Variants in PNPLA7 observed in about 807,000 individuals in gnomAD.
The protein encoded by PNPLA7 is patatin-like phospholipase domain-containing protein 7.
In PNPLA7, 153 loss-of-function variants were observed where a neutral mutation model predicts 161.7. That is an observed-to-expected ratio of 0.95 (90% CI 0.83 to 1.08). The LOEUF (loss-of-function observed/expected upper bound fraction) is 1.08, where lower values mean the gene tolerates loss of function less well. Among genes scored for constraint, PNPLA7 ranks in the 50% least tolerant of loss-of-function variants. The probability of loss-of-function intolerance (pLI) is 0.00; values close to 1 mark genes in which losing one functional copy is unlikely to be tolerated. For synonymous variants in PNPLA7, 809 were observed against 782.1 expected, an observed-to-expected ratio of 1.03 and a Z score of -0.57; for missense variants, 1,739 against 1,856.6, an observed-to-expected ratio of 0.94 and a Z score of 1.16.
intron 21 of PNPLA7, among the ~76,000 whole-genome samples, chr9:137,483,531 T>G (rs1418956391): frequency 6.6e-6 from 1 of 152,154 alleles, no homozygotes; most frequent in Non-Finnish European, 1.5e-5. Flanking sequence ...CTAGGCTCAC[T>G]GCAACCTCTA....
At chr9:137,538,136 G>C (rs550108163) in intron 8 of PNPLA7, among the ~76,000 whole-genome samples, 3 of 152,198 alleles carry the variant, frequency 2.0e-5, no homozygotes, top group African/African-American at 7.2e-5. Context: ...CACGCTGGGG[G>C]CTCCCTCGAA....
intron 4 of PNPLA7, among the ~76,000 whole-genome samples, chr9:137,544,794 C>T (rs913352612): frequency 1.2e-4 from 19 of 152,058 alleles, no homozygotes; most frequent in Middle Eastern, 6.8e-3. Context: ...GGATTACAGG[C>T]GCCCGCCACA....
chr9:137,523,918 C>A lies in PNPLA7; in HGVS notation c.748-1061G>T, dbSNP rs4962249. ...GTGCTGGGATTACCGGCGTGAGCCA[C>A]CACGCCTGGCTCAGATTATTCTGGA... On this transcript the variant is annotated intron_variant, in intron 8 of 34. Transcript: ENST00000406427. This position sits in a 1 kb window ranked among gnomAD's most constrained non-coding sequence, Gnocchi z 4.4. Among the ~76,000 whole-genome samples, 5,808 of 152,098 alleles carry A rather than the reference C, an allele frequency of 0.038. 352 individuals carry two copies. The highest frequency in any genetic ancestry group is 0.13 in the African/African-American group (5,201 of 41,482).
At chr9:137,496,685 T>C (rs1213901133) in intron 18 of PNPLA7, among the ~76,000 whole-genome samples, 1 of 152,112 alleles carries the variant, frequency 6.6e-6, no homozygotes, top group Non-Finnish European at 1.5e-5. Flanking sequence ...CACTCCAGCC[T>C]GGGCAACAAG....
rs1015277734 is a variant in PNPLA7, at chr9:137,504,718, G to A, written c.1473+896C>T. Among the ~76,000 whole-genome samples the A allele has an allele frequency of 7.3e-5, 11 of 151,296 alleles. No individual in the cohort carries two copies. The East Asian group carries it at 9.6e-4, about 13-fold the overall frequency. ...GATGCCTCAGAAGGAGTCCTTAACC[G>A]TTAGAGAGGAATGATGTGAACTTAT... On this transcript the variant is annotated intron_variant, in intron 14 of 34. Transcript: ENST00000406427.
intron 1 of PNPLA7, 61 bp downstream of exon 1, chr9:137,550,107 C>T (rs867543864): frequency 1.6e-5 from 26 of 1,597,406 alleles, no homozygotes; most frequent in Non-Finnish European, 1.9e-5. Context: ...GGACCCTTCT[C>T]TGGGTCCAGA....
At position 137,547,395 on chromosome 9, in the gene PNPLA7, A is replaced by T. The variant is rs753404242; in HGVS notation, c.107T>A (p.Leu36Gln). ...FTEEGSPSTMLTGIAVGALLA... is the reference protein window; with the variant it reads ...FTEEGSPSTMQTGIAVGALLA... ...GAGGGCTCCAACTGCAATCCCCGTCAGCTGGCCGAGAGTGGAAACACGGCG... is the reference window on the plus strand; with the variant it reads ...GAGGGCTCCAACTGCAATCCCCGTCTGCTGGCCGAGAGTGGAAACACGGCG... The change falls in exon 3 of 35, where the codon CTG becomes CAG. Residue 36 changes from leucine (L) to glutamine (Q), a missense_variant and splice_region_variant. Physicochemically the swap from Leu to Gln is moderately radical, Grantham distance 113 (BLOSUM62 -2). Transcript: ENST00000406427. This position sits in a 1 kb window ranked among gnomAD's most constrained non-coding sequence, Gnocchi z 4.6. The T allele has an allele frequency of 2.5e-6, 4 of 1,613,440 alleles. No individual in the cohort carries two copies. The Admixed American group carries it at 5.0e-5, about 20-fold the overall frequency.
rs778348880 is a variant in PNPLA7, at chr9:137,520,039, C to G, written c.962G>C (p.Ser321Thr). 31 of 1,612,196 alleles carry G rather than the reference C, an allele frequency of 1.9e-5. No individual in the cohort carries two copies. In the Admixed American group the frequency reaches 5.0e-4, roughly 26 times the overall value. The change falls in exon 11 of 35, where the codon AGC becomes ACC. Residue 321 changes from serine (S) to threonine (T), a missense_variant. This residue lies in a region of PNPLA7 where 152 missense variants were observed against 193.5 expected (regional missense o/e 0.79). Coordinates refer to ENST00000406427, the MANE Select transcript of PNPLA7 (RefSeq NM_001098537.3). The surrounding 1 kb of genome is among the most constrained non-coding windows in gnomAD (Gnocchi z 5.2). ...GLTTELFNAE[S>T]QAIPLVSVAS... is the part of the protein sequence containing the mutation. ...TACAGACACGAGAGGGATGGCCTGG[C>G]TCTCCTGGGACACAAGAAGGAAGTT... is the stretch of plus-strand genomic sequence containing the variant.
rs997781647 is a variant in PNPLA7, at chr9:137,464,521, G to A, written c.3040-65C>T. 1.3e-4 allele frequency: 180 copies of A among 1,434,522 alleles called. 2 individuals are homozygous for A. The East Asian group carries it at 3.7e-3, about 30-fold the overall frequency. 88.9% of individuals were successfully genotyped at this position (1,434,522 alleles called of 1,614,324 possible). On this transcript the variant is annotated intron_variant, in intron 26 of 34. Coordinates refer to ENST00000406427, the MANE Select transcript of PNPLA7 (RefSeq NM_001098537.3). ...CCCTGCGGGCTGCCACAGCAGACAC[G>A]TGGCGTGCTGAGGGCCTCTCATGAA...
At chr9:137,534,655 T>G (rs571361538) in intron 8 of PNPLA7, among the ~76,000 whole-genome samples, 1 of 152,048 alleles carries the variant, frequency 6.6e-6, no homozygotes, top group African/African-American at 2.4e-5. Context: ...CTGCAGGGAG[T>G]GTCCCCTGTT....
rs1199325170 is a variant in PNPLA7 at position 137,523,066 on chromosome 9, T to C, written c.748-209A>G. Among the ~76,000 whole-genome samples, 1 of 152,150 alleles carries C rather than the reference T, an allele frequency of 6.6e-6. No individual in the cohort carries two copies. The highest frequency in any genetic ancestry group is 1.9e-4 in the East Asian group (1 of 5,172). ...GTCCAAGACATGTGCGGCGAAGGAC[T>C]GGCTGACGATGAAATGTGGGTGAGG... On this transcript the variant is annotated intron_variant, in intron 8 of 34. Transcript: ENST00000406427. This position sits in a 1 kb window ranked among gnomAD's most constrained non-coding sequence, Gnocchi z 4.4.
At chr9:137,525,316 A>G (rs1194651192) in intron 8 of PNPLA7, among the ~76,000 whole-genome samples, 1 of 152,224 alleles carries the variant, frequency 6.6e-6, no homozygotes, top group Non-Finnish European at 1.5e-5. Context: ...AAATAAAGAC[A>G]CAAGACAAAG....
intron 18 of PNPLA7, 57 bp from the exon 19 acceptor site, chr9:137,495,203 A>T: frequency 7.5e-7 from 1 of 1,330,434 alleles, no homozygotes; most frequent in Non-Finnish European, 1.0e-6. Context: ...AGCCAGCTGG[A>T]CCTGTCCCTG....
chr9:137,518,714 C>T (rs1402459669), intron 11 of PNPLA7, among the ~76,000 whole-genome samples: 1 of 89,758 alleles, frequency 1.1e-5, no homozygotes, highest in Non-Finnish European at 2.3e-5. Flanking sequence ...TCACTCCATC[C>T]CCCACTCACT....
chr9:137,476,143 C>T lies in PNPLA7; in HGVS notation c.2882+1891G>A, dbSNP rs1008059575. On this transcript the variant is annotated intron_variant, in intron 25 of 34. Transcript: ENST00000406427. This position sits in a 1 kb window ranked among gnomAD's most constrained non-coding sequence, Gnocchi z 4.5. The stretch of plus-strand genomic sequence containing the variant: ...AGATACGAAGAGGCTAGAGGGCTTT[C>T]GGGAGGATGACTCCTGAAAAGTAAA... 5.3e-5 allele frequency among the ~76,000 whole-genome samples: 8 copies of T among 152,140 alleles called. No individual in the cohort carries two copies. Among genetic ancestry groups the T allele is most frequent in the Non-Finnish European group, 1.2e-4 (8 of 68,030 alleles).
intron 11 of PNPLA7, among the ~76,000 whole-genome samples, chr9:137,518,145 TC>T (rs1834733577): frequency 9.5e-6 from 1 of 105,096 alleles, no homozygotes. Flanking sequence ...GTCCACTCCA[TC>T]CCCCACTCAC....
At position 137,520,802 on chromosome 9, in the gene PNPLA7, G is replaced by T. The variant is rs1413217428; in HGVS notation, c.958-759C>A. ...GACAGCCTTGTGCCCTTGACAATGC[G>T]CTGTACCCTCCAAACGCGTCACAGT... On this transcript the variant is annotated intron_variant, in intron 10 of 34. Transcript: ENST00000406427. The surrounding 1 kb of genome is among the most constrained non-coding windows in gnomAD (Gnocchi z 5.2). Among the ~76,000 whole-genome samples the T allele has an allele frequency of 6.6e-6, 1 of 152,218 alleles. No homozygotes were observed.
rs776601324 is a variant in PNPLA7 at position 137,540,641 on chromosome 9, C to T, written c.747+1G>A. 12 of 1,609,580 alleles carry T rather than the reference C, an allele frequency of 7.5e-6. No individual in the cohort carries two copies. Among genetic ancestry groups the T allele is most frequent in the Admixed American group, 1.7e-5 (1 of 59,650 alleles). The stretch of plus-strand genomic sequence containing the variant: ...GGAGGGCCAGGCAGCGGGGGACTCA[C>T]GGTGATGATGTCCAGGATGCTGAGC... On this transcript the variant is annotated splice_donor_variant, in intron 8 of 34. Coordinates refer to ENST00000406427, the MANE Select transcript of PNPLA7 (RefSeq NM_001098537.3). LOFTEE classifies it high-confidence loss of function. The surrounding 1 kb of genome is among the most constrained non-coding windows in gnomAD (Gnocchi z 5.1).
At chr9:137,464,091 C>T (rs1027803735) in intron 28 of PNPLA7, 35 bp downstream of exon 28, 8 of 1,605,844 alleles carry the variant, frequency 5.0e-6, no homozygotes, top group Admixed American at 1.7e-5. Flanking sequence ...ACACCTCGCA[C>T]CCAAGCGGCC....
Sources: allele counts gnomAD v4.1 joint callset (sites outside exome capture counted in the v4.1 genomes callset), GRCh38; gene constraint gnomAD v4.1.1; regional missense constraint gnomAD v4.1.1; non-coding constraint Gnocchi (gnomAD v3.1); transcripts MANE v1.5; gene names NCBI Gene and HGNC (gene_info 2026-07-23, HGNC 2026-07-21).